The following HAUS3 variants were observed in gnomAD, a reference collection of about 807,000 sequenced individuals.
HAUS3 encodes the protein HAUS augmin like complex subunit 3, also known as HAUS augmin-like complex subunit 3.
A neutral mutation model predicts 55.2 loss-of-function variants in HAUS3; 36 were observed. That is an observed-to-expected ratio of 0.65 (90% CI 0.50 to 0.86). The LOEUF is 0.86. Among genes scored for constraint, HAUS3 ranks in the 40% least tolerant of loss-of-function variants. The probability of loss-of-function intolerance (pLI) is 0.00; values close to 1 mark genes in which losing one functional copy is unlikely to be tolerated. For missense variants in HAUS3, 752 were observed against 671.5 expected, an observed-to-expected ratio of 1.12 and a Z score of -1.33; for synonymous variants, 234 against 238.6, an observed-to-expected ratio of 0.98 and a Z score of 0.18.
At chr4:2,238,401 T>G (rs924780913) in intron 4 of HAUS3, among the ~76,000 whole-genome samples, 2 of 151,294 alleles carry the variant, frequency 1.3e-5, no homozygotes, top group African/African-American at 2.4e-5. Flanking sequence ...GTAGCTATTT[T>G]CAGATCTAAC....
intron 1 of HAUS3, 93 bp downstream of exon 1, chr4:2,241,958 G>GA (rs927828581): frequency 3.0e-6 from 3 of 985,264 alleles, no homozygotes; most frequent in Non-Finnish European, 3.6e-6. Context: ...AGGAGCGCAG[G>GA]AAAAAAAAGA....
rs1735015831 is a variant in HAUS3, at chr4:2,242,120, C to G, written c.-488G>C. The G allele has an allele frequency of 1.0e-6, 1 of 985,720 alleles. No individual in the cohort carries two copies. Among genetic ancestry groups the G allele is most frequent in the South Asian group, 4.7e-5 (1 of 21,336 alleles). 61.1% of individuals were successfully genotyped at this position (985,720 alleles called of 1,614,324 possible). A position where few individuals can be genotyped will look rare whatever the true frequency, so the allele number is the denominator to read the frequency against. On this transcript the variant is annotated 5_prime_UTR_variant, in exon 1 of 6. Transcript: ENST00000443786. The stretch of plus-strand genomic sequence containing the variant: ...CCCTCCGTGCCCCGCGCGCCTCGCA[C>G]TGCCTCACGGGAGCGCCTGGACGCG...
chr4:2,232,566 G>A (rs1215951551), intron 5 of HAUS3, among the ~76,000 whole-genome samples: 3 of 152,072 alleles, frequency 2.0e-5, no homozygotes, highest in Non-Finnish European at 4.4e-5. Flanking sequence ...TGTTTATTCT[G>A]GACAGAAGGT....
intron 5 of HAUS3, 147 bp from the exon 6 acceptor site, chr4:2,232,307 A>G (rs779926025): frequency 1.9e-5 from 9 of 482,112 alleles, no homozygotes; most frequent in Admixed American, 4.1e-5. Flanking sequence ...TTTAAAATCC[A>G]TAACAGGTTT....
Position 2,231,835 on chromosome 4 carries a change from C to A in HAUS3, c.*92G>T. 1 of 632,490 alleles carries A rather than the reference C, an allele frequency of 1.6e-6. No individual in the cohort carries two copies. Among genetic ancestry groups the A allele is most frequent in the South Asian group, 2.0e-5 (1 of 51,238 alleles). 39.2% of individuals were successfully genotyped at this position (632,490 alleles called of 1,614,324 possible). On this transcript the variant is annotated 3_prime_UTR_variant, in exon 6 of 6. Transcript: ENST00000443786. ...TCATCAAATTAAATGTTCCATTGACCTCAAATTTTAAAAATTTAGTAGTGT... is the reference window on the plus strand; with the variant it reads ...TCATCAAATTAAATGTTCCATTGACATCAAATTTTAAAAATTTAGTAGTGT...
chr4:2,233,861 A>C (rs1441103950), intron 5 of HAUS3, among the ~76,000 whole-genome samples: 1 of 152,230 alleles, frequency 6.6e-6, no homozygotes, highest in African/African-American at 2.4e-5. Flanking sequence ...GTAGACACTT[A>C]TATAGTGCTG....
In HAUS3 at chr4:2,238,711, TTGAC is replaced by T; in HGVS notation, c.1238_1241del (p.Ser413LysfsTer4). 6.2e-7 allele frequency: 1 copy of T among 1,613,606 alleles called. No individual in the cohort carries two copies. Among genetic ancestry groups the T allele is most frequent in the Non-Finnish European group, 8.5e-7 (1 of 1,179,616 alleles). ...ATTGCTTGTAGAGCATCATGTTACT[TTGAC>T]TAAGTTCTTGAACCAAATTTTCAAG... On this transcript the variant is annotated frameshift_variant, in exon 4 of 6. Coordinates refer to ENST00000443786, the MANE Select transcript of HAUS3 (RefSeq NM_001303143.2). LOFTEE classifies it high-confidence loss of function.
Position 2,231,152 on chromosome 4 carries a change from A to G in HAUS3, c.*775T>C, listed in dbSNP as rs1424232289. On this transcript the variant is annotated 3_prime_UTR_variant, in exon 6 of 6. Transcript: ENST00000443786. ...ACTCTGTGGTACAAGTAGGGACATT[A>G]AAACAGCCTAAAGGTCTATAGCAGG... The G allele has an allele frequency of 1.3e-5, 2 of 152,358 alleles. No individual in the cohort carries two copies. The highest frequency in any genetic ancestry group is 4.1e-4 in the South Asian group (2 of 4,834). 9.4% of individuals were successfully genotyped at this position (152,358 alleles called of 1,614,324 possible).
intron 5 of HAUS3, among the ~76,000 whole-genome samples, chr4:2,233,147 A>C (rs1206197402): frequency 6.6e-6 from 1 of 152,214 alleles, no homozygotes; most frequent in Non-Finnish European, 1.5e-5. Flanking sequence ...TTGAAAATCA[A>C]GTAATTTCGA....
chr4:2,241,201 G>A (rs1734974225), intron 2 of HAUS3, 108 bp from the exon 3 acceptor site: 1 of 376,230 alleles, frequency 2.7e-6, no homozygotes, highest in East Asian at 5.2e-5. Context: ...TAAATGACAG[G>A]TAGTCGTAGC....
chr4:2,241,100 G>C lies in HAUS3; in HGVS notation c.-147-7C>G, dbSNP rs1166561282. 1 of 595,200 alleles carries C rather than the reference G, an allele frequency of 1.7e-6. No homozygotes were observed. The highest frequency in any genetic ancestry group is 1.9e-5 in the African/African-American group (1 of 51,984). The allele number at this position is 595,200 out of a possible 1,614,324, so 36.9% of individuals were successfully genotyped here. ...GAATCTATAATGATTCCTCCTAGGGGGGAAGAAAACAAGTATTAGACCACA... is the reference window on the plus strand; with the variant it reads ...GAATCTATAATGATTCCTCCTAGGGCGGAAGAAAACAAGTATTAGACCACA... On this transcript the variant is annotated splice_region_variant and splice_polypyrimidine_tract_variant and intron_variant, in intron 2 of 5. Transcript: ENST00000443786.
At chr4:2,237,233 C>A (rs115315293) in intron 4 of HAUS3, among the ~76,000 whole-genome samples, 33 of 151,678 alleles carry the variant, frequency 2.2e-4, no homozygotes, top group African/African-American at 7.7e-4. Context: ...GAGTTCAAGA[C>A]CAGACTTGGC....
At position 2,240,881 on chromosome 4, in the gene HAUS3, A is replaced by G; in HGVS notation, c.66T>C (p.Leu22=). The part of the protein sequence containing the change: ...KKIGYPKADN[L]NGEDFDWLFE... ...ACAACCAGTCAAAGTCTTCTCCATT[A>G]AGATTATCAGCTTTGGGATAACCAA... The change falls in exon 3 of 6, where the codon CTT becomes CTC. Residue 22 remains leucine (L), a synonymous_variant. Coordinates refer to ENST00000443786, the MANE Select transcript of HAUS3 (RefSeq NM_001303143.2). The G allele has an allele frequency of 1.2e-6, 2 of 1,610,150 alleles. No individual in the cohort carries two copies. The highest frequency in any genetic ancestry group is 1.7e-6 in the Non-Finnish European group (2 of 1,179,638).
intron 5 of HAUS3, 106 bp downstream of exon 5, chr4:2,236,122 C>T: frequency 1.6e-6 from 1 of 630,406 alleles, no homozygotes; most frequent in Non-Finnish European, 2.7e-6. Flanking sequence ...TATATTAAGG[C>T]AATGAAATTG....
chr4:2,238,966 A>C lies in HAUS3; in HGVS notation c.987T>G (p.Thr329=), dbSNP rs201646038. The change falls in exon 4 of 6, where the codon ACT becomes ACG. Residue 329 remains threonine (T), a synonymous_variant. Transcript: ENST00000443786. ...SEIMKLEKEV[T]QIKDRSLPAV... Reference sequence around the variant, plus strand: ...CAGGTAAACTTCTGTCTTTTATTTGAGTGACCTCTTTTTCAAGTTTCATAA... The same window carrying C: ...CAGGTAAACTTCTGTCTTTTATTTGCGTGACCTCTTTTTCAAGTTTCATAA... 6.3e-7 allele frequency: 1 copy of C among 1,587,384 alleles called. No homozygotes were observed. The highest frequency in any genetic ancestry group is 1.4e-5 in the African/African-American group (1 of 73,224).
intron 4 of HAUS3, among the ~76,000 whole-genome samples, chr4:2,237,142 T>A (rs1444167088): frequency 1.3e-5 from 2 of 152,186 alleles, no homozygotes; most frequent in Non-Finnish European, 2.9e-5. Flanking sequence ...TCTCATAGAA[T>A]ATAACTATGA....
rs1734987144 is a variant in HAUS3 at position 2,241,520 on chromosome 4, C to T, written c.-148G>A. The T allele has an allele frequency of 4.1e-6, 4 of 985,964 alleles. No individual in the cohort carries two copies. The highest frequency in any genetic ancestry group is 4.8e-6 in the Non-Finnish European group (4 of 830,316). 61.1% of individuals were successfully genotyped at this position (985,964 alleles called of 1,614,324 possible). A position where few individuals can be genotyped will look rare whatever the true frequency, so the allele number is the denominator to read the frequency against. ...TTCTGAAGATCAACTAAATATTTAC[C>T]TCAACGTCTCGCCGGGCAAGGCTCC... On this transcript the variant is annotated splice_region_variant and 5_prime_UTR_variant, in exon 2 of 6. Coordinates refer to ENST00000443786, the MANE Select transcript of HAUS3 (RefSeq NM_001303143.2).
rs746608421 is a variant in HAUS3 at position 2,239,018 on chromosome 4, G to A, written c.935C>T (p.Ala312Val). 2.0e-6 allele frequency: 3 copies of A among 1,536,236 alleles called. No homozygotes were observed. Among genetic ancestry groups the A allele is most frequent in the Admixed American group, 4.4e-5 (2 of 45,768 alleles). ...SKAVDKENLD[A>V]KISSLTSEIM... ...CTCACTGGTCAAGCTAGAAATTTTAGCATCCAAATTTTCTTTGTCCACAGC... is the reference window on the plus strand; with the variant it reads ...CTCACTGGTCAAGCTAGAAATTTTAACATCCAAATTTTCTTTGTCCACAGC... The change falls in exon 4 of 6, where the codon GCT becomes GTT. Residue 312 changes from alanine (A) to valine (V), a missense_variant. Transcript: ENST00000443786.
In HAUS3 at chr4:2,231,965, T is replaced by G; in HGVS notation, c.1774A>C (p.Thr592Pro). 1 of 1,452,144 alleles carries G rather than the reference T, an allele frequency of 6.9e-7. No homozygotes were observed. The highest frequency in any genetic ancestry group is 9.5e-7 in the Non-Finnish European group (1 of 1,048,098). 90.0% of individuals were successfully genotyped at this position (1,452,144 alleles called of 1,614,324 possible). Residue 592 changes from threonine to proline, a missense_variant, in exon 6 of 6, where the codon ACT (threonine) becomes CCT (proline). Physicochemically the swap from Thr to Pro is conservative, Grantham distance 38 (BLOSUM62 -1). Transcript: ENST00000443786. ...YLKDIVENLE[T>P]QSKIKAVSLE... ...CTAACAGCCTTAATCTTTGATTGAG[T>G]TTCTAAATTCTCCACAATATCTTTC...
Sources: allele counts gnomAD v4.1 joint callset (sites outside exome capture counted in the v4.1 genomes callset), GRCh38; gene constraint gnomAD v4.1.1; transcripts MANE v1.5; gene names NCBI Gene and HGNC (gene_info 2026-07-23, HGNC 2026-07-21).